Variants in UTRN observed in about 807,000 individuals in gnomAD.
UTRN encodes the protein utrophin.
Under a neutral mutation model 463.9 loss-of-function variants are expected in UTRN, and 283 were observed. The observed-to-expected ratio is 0.61, with a 90% CI of 0.55 to 0.67. The LOEUF (loss-of-function observed/expected upper bound fraction) is 0.67. Ranked by LOEUF, UTRN falls within the 30% of genes least tolerant of loss-of-function variation. UTRN has a pLI of 0.00. For synonymous variants in UTRN, 1,442 were observed against 1,431.5 expected (o/e 1.01, Z -0.17); for missense variants, 3,922 against 4,084.3 (o/e 0.96, Z 1.08).
chr6:144,835,714 C>G, intron 69 of UTRN, 66 bp from the exon 70 acceptor site: 1 of 1,591,508 alleles, frequency 6.3e-7, no homozygotes, highest in Non-Finnish European at 8.6e-7. Flanking sequence ...ATTTCTACTT[C>G]CTTTATGTCC....
intron 2 of UTRN, among the ~76,000 whole-genome samples, chr6:144,390,897 A>G (rs1274397872): frequency 6.6e-6 from 1 of 152,166 alleles, no homozygotes; most frequent in African/African-American, 2.4e-5. Flanking sequence ...CAACATCTGG[A>G]TCTCTTTTGG....
intron 42 of UTRN, among the ~76,000 whole-genome samples, chr6:144,531,934 G>C (rs979282038): frequency 1.3e-5 from 2 of 151,940 alleles, no homozygotes; most frequent in African/African-American, 4.8e-5. Flanking sequence ...TCAGGAGATC[G>C]AGACCATCCT....
intron 51 of UTRN, among the ~76,000 whole-genome samples, chr6:144,675,235 T>C (rs1052717329): frequency 9.2e-5 from 14 of 152,172 alleles, no homozygotes; most frequent in African/African-American, 3.4e-4. Context: ...CTTCTGCGTC[T>C]AGCCACCCAG....
chr6:144,493,511 ATCTC>A (rs144902799), intron 33 of UTRN, 55 bp downstream of exon 33: 39 of 1,384,154 alleles, frequency 2.8e-5, no homozygotes, highest in South Asian at 1.2e-4. Context: ...CTCTCTCTCA[ATCTC>A]TCTCTCTCTC....
At chr6:144,543,792 A>G (rs9497001) in intron 46 of UTRN, among the ~76,000 whole-genome samples, 3,770 of 151,902 alleles carry the variant, frequency 0.025, 165 homozygotes, top group African/African-American at 0.085. Context: ...GTTTTGAAAA[A>G]AGTGATGACA....
At chr6:144,636,165 G>A (rs1355683594) in intron 51 of UTRN, among the ~76,000 whole-genome samples, 3 of 152,054 alleles carry the variant, frequency 2.0e-5, no homozygotes, top group African/African-American at 7.3e-5. Flanking sequence ...TCTTATGCTT[G>A]TAATTAGAGA....
intron 2 of UTRN, among the ~76,000 whole-genome samples, chr6:144,317,172 C>A (rs57829671): frequency 0.037 from 5,570 of 152,168 alleles, 351 homozygotes; most frequent in African/African-American, 0.13. Context: ...GTCCTGAGGA[C>A]CCCCAAAACT....
At chr6:144,566,258 A>G (rs1800392611) in intron 50 of UTRN, among the ~76,000 whole-genome samples, 1 of 152,126 alleles carries the variant, frequency 6.6e-6, no homozygotes, top group Admixed American at 6.6e-5. Context: ...GAGAAGTTGG[A>G]AGAGAGAGGA....
intron 1 of UTRN, among the ~76,000 whole-genome samples, chr6:144,289,905 T>C (rs1384719551): frequency 6.6e-6 from 1 of 150,512 alleles, no homozygotes; most frequent in African/African-American, 2.5e-5. Context: ...GCACCTGCCT[T>C]GGCTTCCCAA....
intron 53 of UTRN, among the ~76,000 whole-genome samples, chr6:144,719,045 G>C (rs1204623013): frequency 2.0e-5 from 3 of 152,194 alleles, no homozygotes; most frequent in Non-Finnish European, 4.4e-5. Context: ...TTCTATGGGG[G>C]CTGGAAGGGG....
At chr6:144,467,574 C>T (rs1790086767) in intron 23 of UTRN, among the ~76,000 whole-genome samples, 1 of 152,142 alleles carries the variant, frequency 6.6e-6, no homozygotes, top group Non-Finnish European at 1.5e-5. Context: ...GTTGAACAGT[C>T]AAAGGCACAC....
At position 144,557,187 on chromosome 6, in the gene UTRN, G is replaced by T. The variant is rs371613127; in HGVS notation, c.7165G>T (p.Gly2389Cys). 1 of 1,613,726 alleles carries T rather than the reference G, an allele frequency of 6.2e-7. No individual in the cohort carries two copies. Among genetic ancestry groups the T allele is most frequent in the Non-Finnish European group, 8.5e-7 (1 of 1,179,828 alleles). ...ILLQELGPGD[G>C]IVMAFDNVLQ... ...GCTTCAAGAACTGGGTCCTGGAGAT[G>T]GTATCGTCATGGCGTTCGATAACGT... The change falls in exon 50 of 75, where the codon GGT (glycine) becomes TGT (cysteine). Residue 2389 changes from glycine to cysteine, a missense_variant. Transcript: ENST00000367545.
At chr6:144,833,058 G>A (rs1780803358) in intron 69 of UTRN, among the ~76,000 whole-genome samples, 1 of 152,164 alleles carries the variant, frequency 6.6e-6, no homozygotes, top group African/African-American at 2.4e-5. Context: ...GACCTCAAGT[G>A]ATCTGCCCAT....
chr6:144,511,291 G>A (rs1795143147), intron 35 of UTRN, among the ~76,000 whole-genome samples, 168 bp downstream of exon 35: 1 of 152,142 alleles, frequency 6.6e-6, no homozygotes, highest in African/African-American at 2.4e-5. Flanking sequence ...CTTTGGAAAG[G>A]TAATAACTAG....
chr6:144,288,755 T>TA (rs1803925464), intron 1 of UTRN, among the ~76,000 whole-genome samples: 1 of 146,590 alleles, frequency 6.8e-6, no homozygotes. Context: ...TCTCTCTCTC[T>TA]CTTTTTTTTT....
chr6:144,477,908 TATCCATCC>T (rs57106567), intron 25 of UTRN, among the ~76,000 whole-genome samples: 7 of 147,426 alleles, frequency 4.7e-5, no homozygotes, highest in Admixed American at 6.8e-5. Flanking sequence ...TCTATCTATC[TATCCATCC>T]ATCCACATAC....
intron 2 of UTRN, among the ~76,000 whole-genome samples, chr6:144,324,507 G>A (rs1431437784): frequency 6.6e-6 from 1 of 152,148 alleles, no homozygotes; most frequent in Non-Finnish European, 1.5e-5. Context: ...TAATATTACT[G>A]TAAAAAGTCT....
chr6:144,290,143 C>T (rs541881597), intron 1 of UTRN, among the ~76,000 whole-genome samples: 1 of 152,266 alleles, frequency 6.6e-6, no homozygotes, highest in East Asian at 1.9e-4. Context: ...CCACATGTCT[C>T]TTACAATCAA....
chr6:144,310,451 G>A (rs777497764), intron 2 of UTRN, among the ~76,000 whole-genome samples: 1 of 151,690 alleles, frequency 6.6e-6, no homozygotes, highest in East Asian at 1.9e-4. Context: ...CAGGAGAATC[G>A]CTTGAACCTG....
Sources: allele counts gnomAD v4.1 joint callset (sites outside exome capture counted in the v4.1 genomes callset), GRCh38; gene constraint gnomAD v4.1.1; transcripts MANE v1.5; gene names NCBI Gene and HGNC (gene_info 2026-07-23, HGNC 2026-07-21).